ST6GALNAC5: variants seen among roughly 807,000 people sequenced by gnomAD.
ST6GALNAC5 encodes alpha-N-acetylgalactosaminide alpha-2,6-sialyltransferase 5.
A neutral mutation model predicts 33.6 loss-of-function variants in ST6GALNAC5; 27 were observed. The observed-to-expected ratio is 0.80, with a 90% confidence interval of 0.59 to 1.11. ST6GALNAC5 has a LOEUF of 1.11. Among genes scored for constraint, ST6GALNAC5 ranks in the 50% least tolerant of loss-of-function variants. The probability of loss-of-function intolerance (pLI) is 0.00; values close to 1 mark genes in which losing one functional copy is unlikely to be tolerated. For synonymous variants in ST6GALNAC5, 194 were observed against 171.2 expected, an observed-to-expected ratio of 1.13 and a Z score of -1.04; for missense variants, 428 against 454.0, an observed-to-expected ratio of 0.94 and a Z score of 0.52.
chr1:77,052,917 C>CAAAAAAA (rs34398611), intron 4 of ST6GALNAC5, among the ~76,000 whole-genome samples: 1 of 69,976 alleles, frequency 1.4e-5, no homozygotes. Context: ...GGCTCTGTCT[C>CAAAAAAA]AAAAAAAAAA....
intron 2 of ST6GALNAC5, among the ~76,000 whole-genome samples, chr1:76,947,325 A>G (rs1647556741): frequency 6.6e-6 from 1 of 152,154 alleles, no homozygotes; most frequent in African/African-American, 2.4e-5. Flanking sequence ...TTCAGATTTA[A>G]ATTTGATGAT....
intron 2 of ST6GALNAC5, among the ~76,000 whole-genome samples, chr1:76,932,201 T>C (rs12731790): frequency 0.33 from 49,427 of 151,888 alleles, 9,671 homozygotes; most frequent in Non-Finnish European, 0.43. Flanking sequence ...TCTGTTGGCC[T>C]TGACAAGTTA....
intron 3 of ST6GALNAC5, among the ~76,000 whole-genome samples, chr1:77,044,843 A>T (rs1651955895): frequency 6.6e-6 from 1 of 152,144 alleles, no homozygotes; most frequent in South Asian, 2.1e-4. Flanking sequence ...TCAGGGCCTT[A>T]TTTTTGAGGA....
chr1:76,958,002 AC>A (rs1469989370), intron 2 of ST6GALNAC5, among the ~76,000 whole-genome samples: 8 of 152,094 alleles, frequency 5.3e-5, no homozygotes, highest in Non-Finnish European at 1.0e-4. Flanking sequence ...TTGAGAATGT[AC>A]CATATTCTGG....
At chr1:76,915,011 C>T (rs1646955042) in intron 2 of ST6GALNAC5, among the ~76,000 whole-genome samples, 1 of 151,262 alleles carries the variant, frequency 6.6e-6, no homozygotes, top group South Asian at 2.1e-4. Context: ...AACAAACAAC[C>T]CCATCAAAAA....
chr1:76,975,700 T>C (rs993316241), intron 2 of ST6GALNAC5, among the ~76,000 whole-genome samples: 5 of 152,192 alleles, frequency 3.3e-5, no homozygotes, highest in South Asian at 4.1e-4. Context: ...ATGATTTGCA[T>C]AAAGTTTAAA....
Position 77,064,109 on chromosome 1 carries a change from T to G in ST6GALNAC5, c.*903T>G, listed in dbSNP as rs1172715767. The G allele has an allele frequency of 6.6e-6, 1 of 152,184 alleles. No homozygotes were observed. Among genetic ancestry groups the G allele is most frequent in the African/African-American group, 2.4e-5 (1 of 41,440 alleles). 9.4% of individuals were successfully genotyped at this position (152,184 alleles called of 1,614,324 possible). A position where few individuals can be genotyped will look rare whatever the true frequency, so the allele number is the denominator to read the frequency against. ...AATAATTTATGTAAGTGTCCTCTCT[T>G]GAGCCCTAGTTTCCTTTTTGGCAGA... On this transcript the variant is annotated 3_prime_UTR_variant, in exon 5 of 5. Coordinates refer to ENST00000477717, the MANE Select transcript of ST6GALNAC5 (RefSeq NM_030965.3).
intron 2 of ST6GALNAC5, among the ~76,000 whole-genome samples, chr1:76,982,829 A>C (rs1345644734): frequency 6.6e-6 from 1 of 151,148 alleles, no homozygotes; most frequent in African/African-American, 2.4e-5. Context: ...GGAAAGCCTA[A>C]AAGCCAGAAG....
At chr1:76,875,505 A>T (rs1161390329) in intron 2 of ST6GALNAC5, among the ~76,000 whole-genome samples, 1 of 152,118 alleles carries the variant, frequency 6.6e-6, no homozygotes, top group African/African-American at 2.4e-5. Context: ...TAGCCTGTTG[A>T]CTTAAAGGTA....
intron 2 of ST6GALNAC5, among the ~76,000 whole-genome samples, chr1:76,960,076 C>T (rs1012508661): frequency 6.6e-6 from 1 of 152,116 alleles, no homozygotes; most frequent in Non-Finnish European, 1.5e-5. Context: ...TAAATATACA[C>T]TATGTTGGTA....
At chr1:76,935,337 A>G (rs150857778) in intron 2 of ST6GALNAC5, among the ~76,000 whole-genome samples, 43 of 152,162 alleles carry the variant, frequency 2.8e-4, no homozygotes, top group African/African-American at 9.9e-4. Context: ...TTTCCTTGTT[A>G]ATGTTATCCC....
chr1:76,874,875 A>G (rs1483838117), intron 2 of ST6GALNAC5, among the ~76,000 whole-genome samples: 1 of 152,186 alleles, frequency 6.6e-6, no homozygotes, highest in Admixed American at 6.5e-5. Context: ...GAGATCATAC[A>G]TAATCTTCAA....
rs958379466 is a variant in ST6GALNAC5 at position 77,066,056 on chromosome 1, A to G, written c.*2850A>G. On this transcript the variant is annotated 3_prime_UTR_variant, in exon 5 of 5. Coordinates refer to ENST00000477717, the MANE Select transcript of ST6GALNAC5 (RefSeq NM_030965.3). ...TAAATATTCACCCAAGAAAGCATAC[A>G]TTAAAAGAACATTAGGAGGTAAATA... Among the ~76,000 whole-genome samples, 1 of 152,220 alleles carries G rather than the reference A, an allele frequency of 6.6e-6. No homozygotes were observed. The highest frequency in any genetic ancestry group is 2.4e-5 in the African/African-American group (1 of 41,446).
intron 2 of ST6GALNAC5, among the ~76,000 whole-genome samples, chr1:76,902,281 G>T (rs1646824898): frequency 6.6e-6 from 1 of 151,952 alleles, no homozygotes; most frequent in Admixed American, 6.6e-5. Flanking sequence ...GCATCTAAAA[G>T]AATAAAATAT....
Position 77,060,529 on chromosome 1 carries a change from C to T in ST6GALNAC5, c.780-2446C>T, listed in dbSNP as rs566090776. Among the ~76,000 whole-genome samples, 3 of 152,258 alleles carry T rather than the reference C, an allele frequency of 2.0e-5. No homozygotes were observed. In the South Asian group the frequency reaches 6.2e-4, roughly 32 times the overall value. On this transcript the variant is annotated intron_variant, in intron 4 of 4. Coordinates refer to ENST00000477717, the MANE Select transcript of ST6GALNAC5 (RefSeq NM_030965.3). ...GTAGATGTTCCTGCAGTTTCCAGCG[C>T]TGCCTTCTGAGTCCCAGAAAGCACT... is the stretch of plus-strand genomic sequence containing the variant.
At chr1:77,006,459 G>A (rs545026095) in intron 2 of ST6GALNAC5, among the ~76,000 whole-genome samples, 45 of 150,824 alleles carry the variant, frequency 3.0e-4, no homozygotes, top group Admixed American at 9.3e-4. Context: ...GATTACAGGC[G>A]CCAGCCACCA....
At chr1:76,902,413 G>A (rs1483772651) in intron 2 of ST6GALNAC5, among the ~76,000 whole-genome samples, 1 of 152,078 alleles carries the variant, frequency 6.6e-6, no homozygotes, top group Admixed American at 6.6e-5. Context: ...TGGACAAGAA[G>A]ATTTTAATCT....
At chr1:76,882,616 A>T (rs1233121499) in intron 2 of ST6GALNAC5, among the ~76,000 whole-genome samples, 1 of 152,204 alleles carries the variant, frequency 6.6e-6, no homozygotes, top group Non-Finnish European at 1.5e-5. Context: ...GGGAAACTGC[A>T]CAGAGTCTGA....
At chr1:77,053,574 C>G (rs1033572905) in intron 4 of ST6GALNAC5, among the ~76,000 whole-genome samples, 2 of 152,170 alleles carry the variant, frequency 1.3e-5, no homozygotes, top group African/African-American at 2.4e-5. Context: ...GTTACCTGAC[C>G]TCACTGAGCC....
Sources: allele counts gnomAD v4.1 joint callset (sites outside exome capture counted in the v4.1 genomes callset), GRCh38; gene constraint gnomAD v4.1.1; transcripts MANE v1.5; gene names NCBI Gene and HGNC (gene_info 2026-07-23, HGNC 2026-07-21).